The following CAMK4 variants were observed in gnomAD, a reference collection of about 807,000 sequenced individuals.
CAMK4 encodes calcium/calmodulin-dependent protein kinase type IV.
CAMK4 carries 22 observed loss-of-function variants against 44.9 expected under a neutral mutation model. The observed-to-expected ratio is 0.49, with a 90% CI of 0.35 to 0.70. The LOEUF (loss-of-function observed/expected upper bound fraction) is 0.70, where lower values mean the gene tolerates loss of function less well. Among genes scored for constraint, CAMK4 ranks in the 30% least tolerant of loss-of-function variants. CAMK4 has a pLI of 0.01. For synonymous variants in CAMK4, 218 were observed against 215.4 expected, an observed-to-expected ratio of 1.01 and a Z score of -0.11; for missense variants, 498 against 586.8, an observed-to-expected ratio of 0.85 and a Z score of 1.56.
At chr5:111,266,140 G>C (rs1750229157) in intron 1 of CAMK4, 1 of 150,998 alleles carries the variant, frequency 6.6e-6, no homozygotes. Flanking sequence ...GCCTAGATAG[G>C]ACAGAATAAG....
chr5:111,243,189 CT>C (rs1310081670), intron 1 of CAMK4, among the ~76,000 whole-genome samples: 1 of 152,198 alleles, frequency 6.6e-6, no homozygotes, highest in Non-Finnish European at 1.5e-5. Context: ...TTGGGCTTAA[CT>C]CCAAAGACAG....
chr5:111,346,488 A>G (rs551089735), intron 2 of CAMK4, among the ~76,000 whole-genome samples: 4 of 60,282 alleles, frequency 6.6e-5, no homozygotes, highest in African/African-American at 4.6e-5. Flanking sequence ...AACTTTATCT[A>G]TCTATCTATC....
intron 1 of CAMK4, among the ~76,000 whole-genome samples, chr5:111,246,291 A>G (rs1293627247): frequency 6.6e-6 from 1 of 152,138 alleles, no homozygotes; most frequent in Non-Finnish European, 1.5e-5. Context: ...GTCTACCCCC[A>G]AGAAGGGCTT....
At chr5:111,406,100 T>A (rs1043263705) in intron 5 of CAMK4, among the ~76,000 whole-genome samples, 1 of 151,960 alleles carries the variant, frequency 6.6e-6, no homozygotes, top group African/African-American at 2.4e-5. Flanking sequence ...CCTACTTCCT[T>A]TATAAGGTTT....
chr5:111,438,767 T>A (rs1378394281), intron 5 of CAMK4, among the ~76,000 whole-genome samples: 2 of 152,188 alleles, frequency 1.3e-5, no homozygotes, highest in Admixed American at 1.3e-4. Context: ...TTATTGGGCA[T>A]CTACTGAGTG....
At chr5:111,356,374 T>C (rs1387131326) in intron 2 of CAMK4, among the ~76,000 whole-genome samples, 4 of 50,328 alleles carry the variant, frequency 7.9e-5, no homozygotes, top group African/African-American at 4.9e-4. Context: ...TGTAAATTTG[T>C]TTGAGTTCAT....
chr5:111,286,256 G>A (rs1415719681), intron 1 of CAMK4, among the ~76,000 whole-genome samples: 1 of 152,150 alleles, frequency 6.6e-6, no homozygotes, highest in African/African-American at 2.4e-5. Flanking sequence ...TCTTCGTAAA[G>A]ATGGAGAAAT....
chr5:111,462,463 G>A (rs1754677529), intron 7 of CAMK4, among the ~76,000 whole-genome samples: 1 of 152,112 alleles, frequency 6.6e-6, no homozygotes, highest in South Asian at 2.1e-4. Flanking sequence ...CCATCACACA[G>A]CAGGTGCTTA....
At position 111,490,990 on chromosome 5, in the gene CAMK4, G is replaced by A. The variant is rs929182121; in HGVS notation, c.*6524G>A. The A allele has an allele frequency of 2.6e-5, 4 of 152,168 alleles. No homozygotes were observed. The highest frequency in any genetic ancestry group is 5.9e-5 in the Non-Finnish European group (4 of 68,036). 9.4% of individuals were successfully genotyped at this position (152,168 alleles called of 1,614,324 possible). A position where few individuals can be genotyped will look rare whatever the true frequency, so the allele number is the denominator to read the frequency against. On this transcript the variant is annotated 3_prime_UTR_variant, in exon 11 of 11. Coordinates refer to ENST00000282356, the MANE Select transcript of CAMK4 (RefSeq NM_001744.6). Reference sequence around the variant, plus strand: ...TATGCCCAATGAACTAAAGGTATCAGTAAAAGATTATTAGTAAACAAATTA... The same window carrying A: ...TATGCCCAATGAACTAAAGGTATCAATAAAAGATTATTAGTAAACAAATTA...
At chr5:111,463,822 G>A (rs923157162) in intron 7 of CAMK4, among the ~76,000 whole-genome samples, 2 of 152,136 alleles carry the variant, frequency 1.3e-5, no homozygotes, top group Non-Finnish European at 2.9e-5. Context: ...AGTATAGTGT[G>A]GGACAAAAGA....
intron 1 of CAMK4, among the ~76,000 whole-genome samples, chr5:111,251,285 A>C (rs1580480640): frequency 6.6e-6 from 1 of 152,318 alleles, no homozygotes; most frequent in East Asian, 1.9e-4. Context: ...AATGATATCC[A>C]CTTCATTCTT....
intron 7 of CAMK4, among the ~76,000 whole-genome samples, chr5:111,467,934 TCACACACACACA>T (rs60254627): frequency 1.6e-3 from 228 of 143,460 alleles, no homozygotes; most frequent in African/African-American, 5.2e-3. Context: ...AAAGAAATTG[TCACACACACACA>T]CACACACACA....
intron 7 of CAMK4, chr5:111,449,793 T>A (rs1187207818): frequency 6.6e-6 from 1 of 152,250 alleles, no homozygotes; most frequent in East Asian, 1.9e-4. Context: ...GAACAAAAGC[T>A]TTTGACCCAT....
chr5:111,354,510 C>T (rs1322807667), intron 2 of CAMK4, among the ~76,000 whole-genome samples: 1 of 150,860 alleles, frequency 6.6e-6, no homozygotes, highest in Non-Finnish European at 1.5e-5. Flanking sequence ...AATCATTTTG[C>T]AATGCGTACA....
chr5:111,458,187 T>G (rs796092461), intron 7 of CAMK4, among the ~76,000 whole-genome samples: 118 of 152,324 alleles, frequency 7.7e-4, no homozygotes, highest in African/African-American at 2.7e-3. Context: ...CAGGCATGCT[T>G]GCAGCATCTG....
chr5:111,402,338 T>C (rs186221605), intron 5 of CAMK4, among the ~76,000 whole-genome samples: 156 of 152,344 alleles, frequency 1.0e-3, no homozygotes, highest in African/African-American at 3.5e-3. Context: ...CAAAAATAAA[T>C]TATCAGTTTC....
At chr5:111,458,998 T>C (rs921429665) in intron 7 of CAMK4, among the ~76,000 whole-genome samples, 1 of 152,222 alleles carries the variant, frequency 6.6e-6, no homozygotes, top group Admixed American at 6.5e-5. Flanking sequence ...AATTTCTACA[T>C]GTCTGTTAGA....
chr5:111,332,396 A>G (rs1749208597), intron 1 of CAMK4, among the ~76,000 whole-genome samples: 1 of 151,486 alleles, frequency 6.6e-6, no homozygotes, highest in Non-Finnish European at 1.5e-5. Context: ...ATGTCCCTGC[A>G]AAGGACATGA....
rs1324582274 is a variant in CAMK4, at chr5:111,224,625, G to A, written c.142G>A (p.Val48Met). 4 of 1,610,682 alleles carry A rather than the reference G, an allele frequency of 2.5e-6. No homozygotes were observed. The highest frequency in any genetic ancestry group is 8.5e-7 in the Non-Finnish European group (1 of 1,179,156). Residue 48 changes from valine to methionine, a missense_variant, in exon 1 of 11, where the codon GTG becomes ATG. Physicochemically the swap from Val to Met is conservative, Grantham distance 21. This residue lies in a region of CAMK4 where 152 missense variants were observed against 143.7 expected (regional missense o/e 1.06). Coordinates refer to ENST00000282356, the MANE Select transcript of CAMK4 (RefSeq NM_001744.6). This position sits in a 1 kb window ranked among gnomAD's most constrained non-coding sequence, Gnocchi z 5.7. ...NRDALSDFFE[V>M]ESELGRGATS... Reference sequence around the variant, plus strand: ...GGATGCGCTGAGCGATTTCTTCGAGGTGGAGTCGGAGCTGGGACGGTAAGG... The same window carrying A: ...GGATGCGCTGAGCGATTTCTTCGAGATGGAGTCGGAGCTGGGACGGTAAGG...
Sources: allele counts gnomAD v4.1 joint callset (sites outside exome capture counted in the v4.1 genomes callset), GRCh38; gene constraint gnomAD v4.1.1; regional missense constraint gnomAD v4.1.1; non-coding constraint Gnocchi (gnomAD v3.1); transcripts MANE v1.5; gene names NCBI Gene and HGNC (gene_info 2026-07-23, HGNC 2026-07-21).